CRB1: variants seen among roughly 807,000 people sequenced by gnomAD.
The protein encoded by CRB1 is protein crumbs homolog 1.
Under a neutral mutation model 120.0 loss-of-function variants are expected in CRB1, and 83 were observed. The ratio of observed to expected loss-of-function variants is 0.69; its 90% CI spans 0.58 to 0.83. The LOEUF (loss-of-function observed/expected upper bound fraction) is 0.83. Ranked by LOEUF, CRB1 falls within the 40% of genes least tolerant of loss-of-function variation. The probability of loss-of-function intolerance (pLI) is 0.00; values close to 1 mark genes in which losing one functional copy is unlikely to be tolerated. For missense variants in CRB1, 1,699 were observed against 1,687.6 expected, an observed-to-expected ratio of 1.01 and a Z score of -0.12; for synonymous variants, 625 against 612.5, an observed-to-expected ratio of 1.02 and a Z score of -0.30.
chr1:197,330,305 G>A (rs377010871), intron 2 of CRB1, among the ~76,000 whole-genome samples: 9 of 152,030 alleles, frequency 5.9e-5, no homozygotes, highest in Non-Finnish European at 7.4e-5. Context: ...CCTCCCAGAC[G>A]TTCTACTTAT....
intron 5 of CRB1, among the ~76,000 whole-genome samples, chr1:197,378,803 C>T (rs1050219686): frequency 6.6e-6 from 1 of 152,152 alleles, no homozygotes; most frequent in Non-Finnish European, 1.5e-5. Context: ...CTTTTGTTAA[C>T]ATTTTATTGA....
In CRB1 at chr1:197,416,290, A is replaced by G. The variant is rs1055960583; in HGVS notation, c.1172-4710A>G. Among the ~76,000 whole-genome samples the G allele has an allele frequency of 4.6e-5, 7 of 152,240 alleles. No individual in the cohort carries two copies. The East Asian group carries it at 1.3e-3, about 29-fold the overall frequency. Reference sequence around the variant, plus strand: ...CTTAAATTTAATATGAAGATTTCATATCTAAAGATGTTTCATTATCTATCA... The same window carrying G: ...CTTAAATTTAATATGAAGATTTCATGTCTAAAGATGTTTCATTATCTATCA... On this transcript the variant is annotated intron_variant, in intron 5 of 11. Transcript: ENST00000367400.
At chr1:197,266,076 G>T (rs1214890977), upstream of CRB1, among the ~76,000 whole-genome samples, 1 of 152,046 alleles carries the variant, frequency 6.6e-6, no homozygotes. Context: ...CTAGTTTCTT[G>T]ATTTGCCCAA....
intron 6 of CRB1, among the ~76,000 whole-genome samples, chr1:197,427,225 C>T (rs1318215942): frequency 6.6e-6 from 1 of 152,040 alleles, no homozygotes; most frequent in Non-Finnish European, 1.5e-5. Flanking sequence ...AACTACAAAC[C>T]AAAATATAGT....
chr1:197,476,646 C>A (rs1667210781), intron 11 of CRB1, among the ~76,000 whole-genome samples: 1 of 151,672 alleles, frequency 6.6e-6, no homozygotes, highest in Non-Finnish European at 1.5e-5. Flanking sequence ...ACACAGGGGA[C>A]AATAAAAAGA....
chr1:197,229,693 T>A, the CRB1 span, among the ~76,000 whole-genome samples: 1,071 of 152,282 alleles, frequency 7.0e-3, 10 homozygotes, highest in African/African-American at 0.023. Flanking sequence ...CACTCGTAAG[T>A]GAGAACATGG....
chr1:197,286,639 A>T (rs552316944), intron 1 of CRB1, among the ~76,000 whole-genome samples: 2 of 152,080 alleles, frequency 1.3e-5, no homozygotes, highest in Admixed American at 1.3e-4. Context: ...TGCACAGAAT[A>T]TAATAAAGTT....
At chr1:197,477,478 T>C (rs1005096846) in intron 11 of CRB1, 186 bp from the exon 12 acceptor site, 2 of 699,562 alleles carry the variant, frequency 2.9e-6, no homozygotes, top group Non-Finnish European at 5.3e-6. Flanking sequence ...ATTCTAGATA[T>C]ATGATTATTT....
At chr1:197,236,121 T>G in the CRB1 span, among the ~76,000 whole-genome samples, 2 of 151,810 alleles carry the variant, frequency 1.3e-5, no homozygotes, top group Admixed American at 6.6e-5. Flanking sequence ...TTATTAATCA[T>G]ACATATTGTG....
At chr1:197,397,668 T>G (rs1662841074) in intron 5 of CRB1, among the ~76,000 whole-genome samples, 1 of 152,066 alleles carries the variant, frequency 6.6e-6, no homozygotes, top group Admixed American at 6.6e-5. Flanking sequence ...CAACAAAGAA[T>G]AATCTCAAAA....
At chr1:197,457,460 C>T (rs1379120657) in intron 11 of CRB1, among the ~76,000 whole-genome samples, 2 of 152,068 alleles carry the variant, frequency 1.3e-5, no homozygotes, top group Non-Finnish European at 2.9e-5. Context: ...GCATCTATTA[C>T]CAATTAGCTA....
chr1:197,386,046 T>C (rs1662199967), intron 5 of CRB1, among the ~76,000 whole-genome samples: 1 of 151,990 alleles, frequency 6.6e-6, no homozygotes, highest in South Asian at 2.1e-4. Context: ...CATTCATATG[T>C]CTAGGGGCTA....
chr1:197,462,053 A>C (rs1328680636), intron 11 of CRB1, among the ~76,000 whole-genome samples: 1 of 152,188 alleles, frequency 6.6e-6, no homozygotes, highest in Non-Finnish European at 1.5e-5. Context: ...TTTATGCTAC[A>C]CAAATGCAAA....
chr1:197,235,172 G>A, the CRB1 span, among the ~76,000 whole-genome samples: 5 of 152,132 alleles, frequency 3.3e-5, no homozygotes, highest in African/African-American at 9.7e-5. Context: ...CCTCCTGTCA[G>A]AGACTCGGTA....
At chr1:197,253,191 C>G in the CRB1 span, among the ~76,000 whole-genome samples, 3 of 152,064 alleles carry the variant, frequency 2.0e-5, no homozygotes, top group African/African-American at 7.2e-5. Flanking sequence ...TCTCAGCATT[C>G]CTTAGTCAAG....
chr1:197,210,604 C>T, the CRB1 span, among the ~76,000 whole-genome samples: 1 of 152,106 alleles, frequency 6.6e-6, no homozygotes, highest in South Asian at 2.1e-4. Context: ...AATCAGTCTA[C>T]CTATCTAAGA....
intron 1 of CRB1, among the ~76,000 whole-genome samples, chr1:197,294,571 A>G (rs1188783456): frequency 6.6e-6 from 1 of 152,120 alleles, no homozygotes. Context: ...TACCCAATGG[A>G]TTATAAATCA....
chr1:197,260,159 AAG>A, the CRB1 span, among the ~76,000 whole-genome samples: 1 of 150,582 alleles, frequency 6.6e-6, no homozygotes, highest in Non-Finnish European at 1.5e-5. Context: ...TAAAAAAAGA[AAG>A]AGAGAGAGAG....
the CRB1 span, among the ~76,000 whole-genome samples, chr1:197,259,646 TAACA>T: frequency 6.6e-6 from 1 of 152,270 alleles, no homozygotes; most frequent in East Asian, 1.9e-4. Context: ...TGTACCTGTG[TAACA>T]AACCTGCACT....
Sources: gnomAD v4.1 joint callset for allele counts (sites outside exome capture counted in the v4.1 genomes callset) on GRCh38, gnomAD v4.1.1 for gene constraint, MANE v1.5 for transcripts, NCBI Gene and HGNC (gene_info 2026-07-23, HGNC 2026-07-21) for gene names.